The following KNL1 variants were observed in gnomAD, a reference collection of about 807,000 sequenced individuals.
KNL1 encodes the protein kinetochore scaffold 1.
KNL1 carries 66 observed loss-of-function variants against 201.3 expected under a neutral mutation model. The observed-to-expected ratio is 0.33, with a 90% CI of 0.27 to 0.40. The LOEUF (loss-of-function observed/expected upper bound fraction) is 0.40, where lower values mean the gene tolerates loss of function less well. Ranked by LOEUF, KNL1 falls within the 10% of genes least tolerant of loss-of-function variation. The pLI is 1.00. For synonymous variants in KNL1, 895 were observed against 899.2 expected, an observed-to-expected ratio of 1.00 and a Z score of 0.08; for missense variants, 2,815 against 2,690.5, an observed-to-expected ratio of 1.05 and a Z score of -1.02.
chr15:40,608,965 A>ATACATTTGGTTTGATAC, intron 5 of KNL1, 57 bp downstream of exon 5: 1 of 1,151,132 alleles, frequency 8.7e-7, no homozygotes, highest in Non-Finnish European at 1.3e-6. Context: ...TTGTGTATCA[A>ATACATTTGGTTTGATAC]ACCAAATGTA....
Position 40,654,953 on chromosome 15 carries a change from G to A in KNL1, c.6460G>A (p.Val2154Ile). The A allele has an allele frequency of 6.2e-7, 1 of 1,612,922 alleles. No individual in the cohort carries two copies. The highest frequency in any genetic ancestry group is 1.1e-5 in the South Asian group (1 of 91,070). ...LDKRYRKIVD[V>I]NFQSLLDEDQ... ...CAAGCGTTATAGGAAGATTGTTGAT[G>A]TCAATTTTCAATCTCTGTTAGATGG... The change falls in exon 22 of 26, where the codon GTC becomes ATC. Residue 2154 changes from valine (V) to isoleucine (I), a missense_variant. Coordinates refer to ENST00000399668, the MANE Select transcript of KNL1 (RefSeq NM_144508.5).
In KNL1 at chr15:40,623,327, G is replaced by T; in HGVS notation, c.3063G>T (p.Trp1021Cys). 5.0e-6 allele frequency: 8 copies of T among 1,613,942 alleles called. No homozygotes were observed. Among genetic ancestry groups the T allele is most frequent in the Non-Finnish European group, 5.9e-6 (7 of 1,179,900 alleles). ...NDSQLTPLEE[W>C]SNNRGPVEVA... ...GCCAGCTAACCCCTCTGGAGGAATGGTCTAATAATAGGGGCCCTGTAGAGG... is the reference window on the plus strand; with the variant it reads ...GCCAGCTAACCCCTCTGGAGGAATGTTCTAATAATAGGGGCCCTGTAGAGG... Residue 1021 changes from tryptophan to cysteine, a missense_variant, in exon 10 of 26, where the codon TGG becomes TGT. By Grantham distance (215) the Trp-to-Cys change is radical. Coordinates refer to ENST00000399668, the MANE Select transcript of KNL1 (RefSeq NM_144508.5).
In KNL1 at chr15:40,657,356, T is replaced by C. The variant is rs1298771849; in HGVS notation, c.6596T>C (p.Met2199Thr). The change falls in exon 24 of 26, where the codon ATG becomes ACG. Residue 2199 changes from methionine to threonine, a missense_variant and splice_region_variant. Met to Thr is a moderately conservative substitution (Grantham distance 81). This residue lies in a region of KNL1 where 334 missense variants were observed against 362.6 expected (regional missense o/e 0.92). Coordinates refer to ENST00000399668, the MANE Select transcript of KNL1 (RefSeq NM_144508.5). ...TCTTQHQLPK[M>T]LEEFSLVVHH... is the part of the protein sequence containing the mutation. ...GATTTTTTTTCCCACTTTTTCTAGA[T>C]GCTTGAAGAATTCTCACTGGTAGTG... The C allele has an allele frequency of 6.4e-7, 1 of 1,572,670 alleles. No individual in the cohort carries two copies. Among genetic ancestry groups the C allele is most frequent in the African/African-American group, 1.3e-5 (1 of 74,118 alleles).
chr15:40,662,011 C>T, intron 25 of KNL1, 63 bp from the exon 26 acceptor site: 1 of 915,110 alleles, frequency 1.1e-6, no homozygotes, highest in East Asian at 2.5e-5. Flanking sequence ...TGCACTCCAG[C>T]CTGGGCGACA....
rs954905975 is a variant in KNL1, at chr15:40,664,076, A to C, written c.*1888A>C. The C allele has an allele frequency of 1.1e-5, 2 of 184,556 alleles. No homozygotes were observed. Among genetic ancestry groups the C allele is most frequent in the Non-Finnish European group, 2.3e-5 (2 of 86,984 alleles). The allele number at this position is 184,556 out of a possible 1,614,324, so 11.4% of individuals were successfully genotyped here. A position where few individuals can be genotyped will look rare whatever the true frequency, so the allele number is the denominator to read the frequency against. ...TTAAGTTAGCTTTCTTATTGGAGTT[A>C]TTTCTTTTCTGTAAGTCTGAAAAGT... On this transcript the variant is annotated 3_prime_UTR_variant, in exon 26 of 26. Coordinates refer to ENST00000399668, the MANE Select transcript of KNL1 (RefSeq NM_144508.5).
intron 13 of KNL1, among the ~76,000 whole-genome samples, chr15:40,634,509 G>A (rs7178058): frequency 0.02 from 3,021 of 152,242 alleles, 100 homozygotes; most frequent in African/African-American, 0.07. Context: ...ATCAATTACT[G>A]GAGAATTATA....
chr15:40,645,161 T>C (rs1893348312), intron 15 of KNL1, 74 bp downstream of exon 15: 2 of 992,322 alleles, frequency 2.0e-6, no homozygotes, highest in Non-Finnish European at 3.1e-6. Flanking sequence ...AATGAGTAAC[T>C]GTTACTTGGT....
chr15:40,610,796 C>CA, intron 6 of KNL1: 2 of 455,608 alleles, frequency 4.4e-6, no homozygotes, highest in South Asian at 3.1e-5. Context: ...TGTTGTTCCC[C>CA]AGGCTGCAGT....
rs1205856450 is a variant in KNL1 at position 40,624,489 on chromosome 15, G to T, written c.4225G>T (p.Asp1409Tyr). 2.5e-6 allele frequency: 4 copies of T among 1,613,714 alleles called. No homozygotes were observed. The Admixed American group carries it at 6.7e-5, about 27-fold the overall frequency. ...TAATCAAACTTTAGTATATAGTCAA[G>T]ATCTGGGGGAGATGACTAAACTTAA... is the stretch of plus-strand genomic sequence containing the variant. ...LANQTLVYSQ[D>Y]LGEMTKLNSK... Residue 1409 changes from aspartate (D) to tyrosine (Y), a missense_variant, in exon 10 of 26, where the codon GAT becomes TAT. Transcript: ENST00000399668.
chr15:40,630,869 C>T (rs1332033245), intron 13 of KNL1, among the ~76,000 whole-genome samples: 2 of 152,158 alleles, frequency 1.3e-5, no homozygotes, highest in Admixed American at 1.3e-4. Flanking sequence ...CTTGTAATCC[C>T]AGCACTTTGG....
chr15:40,616,355 G>A (rs1250321665), intron 8 of KNL1, among the ~76,000 whole-genome samples: 1 of 147,642 alleles, frequency 6.8e-6, no homozygotes, highest in Non-Finnish European at 1.5e-5. Flanking sequence ...TCAAACTCCT[G>A]ACCTCAGGTG....
In KNL1 at chr15:40,662,709, C is replaced by T. The variant is rs575265526; in HGVS notation, c.*521C>T. 4.6e-4 allele frequency: 83 copies of T among 182,096 alleles called. No individual in the cohort carries two copies. The highest frequency in any genetic ancestry group is 1.8e-3 in the African/African-American group (77 of 42,526). 11.3% of individuals were successfully genotyped at this position (182,096 alleles called of 1,614,324 possible). A position where few individuals can be genotyped will look rare whatever the true frequency, so the allele number is the denominator to read the frequency against. Reference sequence around the variant, plus strand: ...GTGCGGTGGCTCACACCTGTAATACCAGCAGTTTGGGAGGCCAAAATGGGT... The same window carrying T: ...GTGCGGTGGCTCACACCTGTAATACTAGCAGTTTGGGAGGCCAAAATGGGT... On this transcript the variant is annotated 3_prime_UTR_variant, in exon 26 of 26. Coordinates refer to ENST00000399668, the MANE Select transcript of KNL1 (RefSeq NM_144508.5).
At chr15:40,598,352 T>G (rs1014293817) in intron 1 of KNL1, among the ~76,000 whole-genome samples, 21 of 152,218 alleles carry the variant, frequency 1.4e-4, no homozygotes, top group African/African-American at 4.6e-4. Flanking sequence ...GAAGGATTGC[T>G]TGAGGCCAGG....
intron 1 of KNL1, among the ~76,000 whole-genome samples, chr15:40,596,936 G>T (rs1481605490): frequency 6.7e-6 from 1 of 148,458 alleles, no homozygotes; most frequent in East Asian, 2.0e-4. Context: ...GGAGGCAGAG[G>T]TTGCAGTGAG....
chr15:40,597,825 T>A (rs1891663921), intron 1 of KNL1, among the ~76,000 whole-genome samples: 1 of 152,178 alleles, frequency 6.6e-6, no homozygotes, highest in South Asian at 2.1e-4. Flanking sequence ...ATTTAGGTGA[T>A]CTTGAGTTGA....
intron 8 of KNL1, 173 bp downstream of exon 8, chr15:40,615,551 G>A (rs1475989847): frequency 4.1e-6 from 1 of 241,896 alleles, no homozygotes; most frequent in African/African-American, 2.3e-5. Flanking sequence ...GGCAGATCAC[G>A]AGGTCGGGAG....
At chr15:40,655,678 G>A (rs894694302) in intron 22 of KNL1, among the ~76,000 whole-genome samples, 1 of 151,834 alleles carries the variant, frequency 6.6e-6, no homozygotes, top group Non-Finnish European at 1.5e-5. Flanking sequence ...ACTCTGGGAG[G>A]CCTAGGCGGA....
At chr15:40,607,339 T>C (rs967285239) in intron 4 of KNL1, among the ~76,000 whole-genome samples, 14 of 152,150 alleles carry the variant, frequency 9.2e-5, no homozygotes, top group African/African-American at 3.4e-4. Flanking sequence ...CAGTAAGAAA[T>C]ATATTAGTCT....
intron 13 of KNL1, 124 bp downstream of exon 13, chr15:40,629,495 C>CTTTTTTTTTTTTTTTTTT (rs386382806): frequency 6.2e-6 from 1 of 162,466 alleles, no homozygotes; most frequent in Non-Finnish European, 1.1e-5. Flanking sequence ...TTTGCCTTTT[C>CTTTTTTTTTTTTTTTTTT]TTTTTTTTTT....
Sources: allele counts gnomAD v4.1 joint callset (sites outside exome capture counted in the v4.1 genomes callset), GRCh38; gene constraint gnomAD v4.1.1; regional missense constraint gnomAD v4.1.1; transcripts MANE v1.5; gene names NCBI Gene and HGNC (gene_info 2026-07-23, HGNC 2026-07-21).